NUP153: variants seen among roughly 807,000 people sequenced by gnomAD.
NUP153 encodes the protein nucleoporin 153, also known as nuclear pore complex protein Nup153.
Under a neutral mutation model 134.6 loss-of-function variants are expected in NUP153, and 27 were observed. The observed-to-expected ratio is 0.20, with a 90% CI of 0.15 to 0.28. NUP153 has a LOEUF of 0.28. Ranked by LOEUF, NUP153 falls within the 10% of genes least tolerant of loss-of-function variation. NUP153 has a pLI of 1.00. For synonymous variants in NUP153, 640 were observed against 623.5 expected (o/e 1.03, Z -0.40); for missense variants, 1,821 against 1,731.3 (o/e 1.05, Z -0.92).
chr6:17,635,374 G>T (rs1233092875), intron 16 of NUP153, among the ~76,000 whole-genome samples: 2 of 151,940 alleles, frequency 1.3e-5, no homozygotes, highest in African/African-American at 2.4e-5. Flanking sequence ...CTCCCAAAGT[G>T]CTGGGATTAC....
At chr6:17,669,956 G>A (rs556231846) in intron 5 of NUP153, among the ~76,000 whole-genome samples, 3 of 151,848 alleles carry the variant, frequency 2.0e-5, no homozygotes, top group East Asian at 1.9e-4. Flanking sequence ...TTAGCCAGGC[G>A]TGGCAGTGTG....
chr6:17,669,369 AT>A, intron 6 of NUP153, 32 bp from the exon 7 acceptor site: 1 of 1,600,324 alleles, frequency 6.2e-7, no homozygotes, highest in South Asian at 1.1e-5. Context: ...CAAAATTAAG[AT>A]TTTTCAATAA....
intron 9 of NUP153, among the ~76,000 whole-genome samples, chr6:17,662,469 A>G (rs1767249081): frequency 6.6e-6 from 1 of 152,216 alleles, no homozygotes; most frequent in African/African-American, 2.4e-5. Flanking sequence ...GACTTCTTGG[A>G]AAAATGGCTG....
Position 17,629,205 on chromosome 6 carries a change from A to C in NUP153, c.2994T>G (p.Phe998Leu). 6.2e-7 allele frequency: 1 copy of C among 1,613,462 alleles called. No individual in the cohort carries two copies. Among genetic ancestry groups the C allele is most frequent in the South Asian group, 1.1e-5 (1 of 90,838 alleles). ...GTCCAAGATTAGATACCCCAAATTG[A>C]AATGGAGTTAAAGAAACTGGGTTGC... ...GLSNPVSLTP[F>L]QFGVSNLGQE... is the part of the protein sequence containing the mutation. The change falls in exon 18 of 22, where the codon TTT (phenylalanine) becomes TTG (leucine). Residue 998 changes from phenylalanine (F) to leucine (L), a missense_variant. By Grantham distance (22) the Phe-to-Leu change is conservative (BLOSUM62 0). Coordinates refer to ENST00000262077, the MANE Select transcript of NUP153 (RefSeq NM_005124.4).
chr6:17,654,221 G>A (rs1056510090), intron 11 of NUP153, among the ~76,000 whole-genome samples: 3 of 152,098 alleles, frequency 2.0e-5, no homozygotes, highest in South Asian at 2.1e-4. Flanking sequence ...AACCTCCAGC[G>A]TAGAACCCTA....
At chr6:17,677,975 T>C (rs1211601361) in intron 2 of NUP153, among the ~76,000 whole-genome samples, 5 of 151,894 alleles carry the variant, frequency 3.3e-5, no homozygotes, top group Non-Finnish European at 2.9e-5. Flanking sequence ...CCATAACTAA[T>C]TACATTCTTA....
chr6:17,695,129 A>G (rs561793265), intron 1 of NUP153, among the ~76,000 whole-genome samples: 1 of 152,354 alleles, frequency 6.6e-6, no homozygotes, highest in African/African-American at 2.4e-5. Flanking sequence ...AACTTAAAAT[A>G]GCTTTAAATC....
chr6:17,683,803 T>C (rs1768752990), intron 2 of NUP153, among the ~76,000 whole-genome samples: 2 of 152,224 alleles, frequency 1.3e-5, no homozygotes, highest in Admixed American at 1.3e-4. Context: ...TGGTATCTTC[T>C]TCCAACGGCG....
chr6:17,648,547 G>A (rs1766336126), intron 12 of NUP153, among the ~76,000 whole-genome samples: 1 of 152,168 alleles, frequency 6.6e-6, no homozygotes, highest in Non-Finnish European at 1.5e-5. Flanking sequence ...AACCCGGGAG[G>A]TGGAGGTTGC....
intron 2 of NUP153, among the ~76,000 whole-genome samples, chr6:17,685,099 T>G (rs1012371384): frequency 1.3e-5 from 2 of 152,218 alleles, no homozygotes; most frequent in African/African-American, 4.8e-5. Context: ...ACAAACTCAA[T>G]TTGTAAAAAA....
chr6:17,646,069 G>A lies in NUP153; in HGVS notation c.1718C>T (p.Ser573Leu). The A allele has an allele frequency of 1.3e-6, 2 of 1,494,254 alleles. No homozygotes were observed. The highest frequency in any genetic ancestry group is 1.9e-6 in the Non-Finnish European group (2 of 1,078,414). The allele number at this position is 1,494,254 out of a possible 1,614,324, so 92.6% of individuals were successfully genotyped here. ...AAATGTAAGAAATTTTTACTTACCTGAACTACTTATAATTGGTTCTAAAGT... is the reference window on the plus strand; with the variant it reads ...AAATGTAAGAAATTTTTACTTACCTAAACTACTTATAATTGGTTCTAAAGT... ...SSTLEPIISS[S>L]AHHVTTVNST... The change falls in exon 14 of 22, where the codon TCA becomes TTA. Residue 573 changes from serine (S) to leucine (L), a missense_variant and splice_region_variant. Physicochemically the swap from Ser to Leu is moderately radical, Grantham distance 145. Coordinates refer to ENST00000262077, the MANE Select transcript of NUP153 (RefSeq NM_005124.4).
intron 11 of NUP153, among the ~76,000 whole-genome samples, chr6:17,651,236 G>A (rs1005469968): frequency 1.6e-4 from 24 of 152,106 alleles, no homozygotes; most frequent in Non-Finnish European, 2.6e-4. Context: ...CCAGGAGTTC[G>A]AGGCTGTAGT....
At chr6:17,681,016 T>TA (rs1223141309) in intron 2 of NUP153, among the ~76,000 whole-genome samples, 1 of 152,072 alleles carries the variant, frequency 6.6e-6, no homozygotes, top group Non-Finnish European at 1.5e-5. Context: ...GGAATTGACC[T>TA]AAGTATCCAT....
chr6:17,680,581 AACAG>A lies in NUP153; in HGVS notation c.335-4815_335-4812del, dbSNP rs1447367846. ...TAAAAGCACAGGCCATGGAAGCAAAAACAGACAAACAGGACTACATGAAATGTAA... is the reference window on the plus strand; with the variant it reads ...TAAAAGCACAGGCCATGGAAGCAAAAACAAACAGGACTACATGAAATGTAA... On this transcript the variant is annotated intron_variant, in intron 2 of 21. Transcript: ENST00000262077. This position sits in a 1 kb window ranked among gnomAD's most constrained non-coding sequence, Gnocchi z 4.5. Among the ~76,000 whole-genome samples the A allele has an allele frequency of 2.0e-5, 3 of 152,240 alleles. No individual in the cohort carries two copies. Among genetic ancestry groups the A allele is most frequent in the African/African-American group, 7.2e-5 (3 of 41,464 alleles).
At chr6:17,631,412 G>A (rs1246513496) in intron 17 of NUP153, among the ~76,000 whole-genome samples, 1 of 152,204 alleles carries the variant, frequency 6.6e-6, no homozygotes, top group East Asian at 1.9e-4. Flanking sequence ...ACATGGATAT[G>A]TTGCCTGGCA....
At chr6:17,684,515 C>G (rs146755187) in intron 2 of NUP153, among the ~76,000 whole-genome samples, 245 of 152,350 alleles carry the variant, frequency 1.6e-3, no homozygotes, top group African/African-American at 5.6e-3. Flanking sequence ...TCTATCTAAA[C>G]CAACTCAAAC....
At chr6:17,687,230 A>T (rs187157080) in intron 2 of NUP153, among the ~76,000 whole-genome samples, 1 of 152,336 alleles carries the variant, frequency 6.6e-6, no homozygotes, top group Admixed American at 6.5e-5. Context: ...TCATTTCTAC[A>T]GCTATCTTAG....
Position 17,660,922 on chromosome 6 carries a change from C to T in NUP153, c.1395+731G>A, listed in dbSNP as rs116303927. ...TGTATCCTGATGGCAGAATGGATTACGGTAAATCTTCAAACTGGATAAATA... is the reference window on the plus strand; with the variant it reads ...TGTATCCTGATGGCAGAATGGATTATGGTAAATCTTCAAACTGGATAAATA... On this transcript the variant is annotated intron_variant, in intron 11 of 21. Transcript: ENST00000262077. Among the ~76,000 whole-genome samples, 773 of 152,154 alleles carry T rather than the reference C, an allele frequency of 5.1e-3. 3 individuals are homozygous for T. The highest frequency in any genetic ancestry group is 0.017 in the African/African-American group (695 of 41,508).
intron 1 of NUP153, among the ~76,000 whole-genome samples, chr6:17,695,284 G>A (rs1317151681): frequency 6.6e-6 from 1 of 151,950 alleles, no homozygotes; most frequent in East Asian, 1.9e-4. Flanking sequence ...CAGCATTGGT[G>A]TAGCCTATGA....
Sources: gnomAD v4.1 joint callset for allele counts (sites outside exome capture counted in the v4.1 genomes callset) on GRCh38, gnomAD v4.1.1 for gene constraint, Gnocchi (gnomAD v3.1) non-coding constraint, MANE v1.5 for transcripts, NCBI Gene and HGNC (gene_info 2026-07-23, HGNC 2026-07-21) for gene names.